FGF2: variants seen among roughly 807,000 people sequenced by gnomAD.
The protein encoded by FGF2 is basic fibroblast growth factor bFGF.
A neutral mutation model predicts 15.9 loss-of-function variants in FGF2; 13 were observed. The ratio of observed to expected loss-of-function variants is 0.82; its 90% CI spans 0.53 to 1.30. The LOEUF (loss-of-function observed/expected upper bound fraction) is 1.30, where lower values mean the gene tolerates loss of function less well. Among genes scored for constraint, FGF2 ranks in the 50% most tolerant of loss-of-function variants. The probability of loss-of-function intolerance (pLI) is 0.00; values close to 1 mark genes in which losing one functional copy is unlikely to be tolerated. For missense variants in FGF2, 163 were observed against 196.9 expected, an observed-to-expected ratio of 0.83 and a Z score of 1.03; for synonymous variants, 90 against 78.4, an observed-to-expected ratio of 1.15 and a Z score of -0.78.
chr4:122,879,079 G>A (rs1726911973), intron 2 of FGF2, among the ~76,000 whole-genome samples: 1 of 152,126 alleles, frequency 6.6e-6, no homozygotes, highest in Non-Finnish European at 1.5e-5. Context: ...TTAAATTGGG[G>A]GAATGTATGC....
At chr4:122,883,513 C>A (rs775897601) in intron 2 of FGF2, among the ~76,000 whole-genome samples, 4 of 152,112 alleles carry the variant, frequency 2.6e-5, no homozygotes, top group Non-Finnish European at 5.9e-5. Flanking sequence ...TTAAATAGTT[C>A]TTTAATGCAC....
chr4:122,839,916 G>A (rs530308116), intron 1 of FGF2, among the ~76,000 whole-genome samples: 1 of 152,286 alleles, frequency 6.6e-6, no homozygotes, highest in African/African-American at 2.4e-5. Context: ...GTTTTGGCAG[G>A]TTTAGTTTCT....
At chr4:122,866,095 C>T (rs947060521) in intron 1 of FGF2, among the ~76,000 whole-genome samples, 1 of 152,120 alleles carries the variant, frequency 6.6e-6, no homozygotes, top group African/African-American at 2.4e-5. Context: ...AGAGGCCGGG[C>T]GCGGTGGCTC....
At chr4:122,842,139 T>C (rs1341127135) in intron 1 of FGF2, among the ~76,000 whole-genome samples, 1 of 152,156 alleles carries the variant, frequency 6.6e-6, no homozygotes, top group African/African-American at 2.4e-5. Context: ...ACAGTTCTGC[T>C]CTCTAGGTTA....
At chr4:122,887,373 C>T (rs1727080083) in intron 2 of FGF2, among the ~76,000 whole-genome samples, 1 of 152,126 alleles carries the variant, frequency 6.6e-6, no homozygotes, top group South Asian at 2.1e-4. Context: ...CTGATATCTC[C>T]AACCTTAATC....
At chr4:122,835,049 G>T (rs1173803627) in intron 1 of FGF2, among the ~76,000 whole-genome samples, 1 of 152,074 alleles carries the variant, frequency 6.6e-6, no homozygotes, top group East Asian at 1.9e-4. Context: ...GGACAACTTT[G>T]ACCCCCTATT....
intron 1 of FGF2, among the ~76,000 whole-genome samples, chr4:122,867,618 T>TA (rs1726628010): frequency 6.6e-6 from 1 of 152,222 alleles, no homozygotes; most frequent in Non-Finnish European, 1.5e-5. Context: ...GTGCTGGAAT[T>TA]ACAGGTGTGA....
intron 1 of FGF2, among the ~76,000 whole-genome samples, chr4:122,860,399 C>G (rs919220833): frequency 6.9e-6 from 1 of 145,286 alleles, no homozygotes; most frequent in African/African-American, 2.5e-5. Context: ...TTTACAAAGA[C>G]TTTACAAAGT....
intron 2 of FGF2, among the ~76,000 whole-genome samples, chr4:122,886,094 T>C (rs959155871): frequency 1.3e-5 from 2 of 151,894 alleles, no homozygotes; most frequent in African/African-American, 4.8e-5. Context: ...AATTTGTTTT[T>C]ATTTTTAGTA....
chr4:122,857,226 G>T (rs1457265948), intron 1 of FGF2, among the ~76,000 whole-genome samples: 1 of 152,014 alleles, frequency 6.6e-6, no homozygotes, highest in African/African-American at 2.4e-5. Context: ...TAGCCTTTCC[G>T]TGATGCTCAG....
At position 122,897,153 on chromosome 4, in the gene FGF2, A is replaced by G. The variant is rs1336856904; in HGVS notation, c.*4757A>G. The stretch of plus-strand genomic sequence containing the variant: ...AAAATAAATAGTAGATACAATTTTC[A>G]TAAAGTGAAGAATTATATAATCACT... On this transcript the variant is annotated 3_prime_UTR_variant, in exon 3 of 3. Transcript: ENST00000644866. 1 of 152,754 alleles carries G rather than the reference A, an allele frequency of 6.5e-6. No individual in the cohort carries two copies. The allele number at this position is 152,754 out of a possible 1,614,324, so 9.5% of individuals were successfully genotyped here.
chr4:122,854,847 T>G (rs1726308539), intron 1 of FGF2, among the ~76,000 whole-genome samples: 1 of 152,174 alleles, frequency 6.6e-6, no homozygotes, highest in Non-Finnish European at 1.5e-5. Context: ...TAAGCCTGCT[T>G]TGAAAGGTGT....
chr4:122,873,688 A>T (rs1397255803), intron 1 of FGF2, among the ~76,000 whole-genome samples: 1 of 152,194 alleles, frequency 6.6e-6, no homozygotes, highest in Non-Finnish European at 1.5e-5. Context: ...GATCATCTGT[A>T]TATTGAATTT....
At chr4:122,872,415 A>T (rs1440098829) in intron 1 of FGF2, among the ~76,000 whole-genome samples, 1 of 152,182 alleles carries the variant, frequency 6.6e-6, no homozygotes, top group East Asian at 1.9e-4. Flanking sequence ...TACCAGAAGA[A>T]GACAGGGAGA....
At chr4:122,839,930 G>A (rs985909647) in intron 1 of FGF2, among the ~76,000 whole-genome samples, 3 of 152,108 alleles carry the variant, frequency 2.0e-5, no homozygotes, top group South Asian at 2.1e-4. Flanking sequence ...AGTTTCTTCC[G>A]AGGCCCCTCT....
chr4:122,833,879 T>C lies in FGF2; in HGVS notation c.178+6527T>C, dbSNP rs1277592431. Among the ~76,000 whole-genome samples the C allele has an allele frequency of 2.6e-5, 4 of 152,236 alleles. No individual in the cohort carries two copies. The East Asian group carries it at 7.7e-4, about 29-fold the overall frequency. ...AATTTTGGAGACTGGCTATTAGTTT[T>C]TCTTAGAATAATCTAGAGAAAGATG... is the stretch of plus-strand genomic sequence containing the variant. On this transcript the variant is annotated intron_variant, in intron 1 of 2. Coordinates refer to ENST00000644866, the MANE Select transcript of FGF2 (RefSeq NM_001361665.2).
chr4:122,857,168 T>C (rs1726358607), intron 1 of FGF2, among the ~76,000 whole-genome samples: 1 of 152,174 alleles, frequency 6.6e-6, no homozygotes, highest in Non-Finnish European at 1.5e-5. Context: ...TGAATTACAA[T>C]ACCTCCACAA....
chr4:122,854,566 G>A (rs971201586), intron 1 of FGF2, among the ~76,000 whole-genome samples: 1 of 152,214 alleles, frequency 6.6e-6, no homozygotes, highest in Non-Finnish European at 1.5e-5. Context: ...ACTCAGCACA[G>A]CTGAAGAAGA....
intron 1 of FGF2, among the ~76,000 whole-genome samples, chr4:122,843,230 G>A (rs1726034915): frequency 6.6e-6 from 1 of 152,208 alleles, no homozygotes. Context: ...TGAACAGAAT[G>A]TTTGGAATCA....
Sources: allele counts gnomAD v4.1 joint callset (sites outside exome capture counted in the v4.1 genomes callset), GRCh38; gene constraint gnomAD v4.1.1; transcripts MANE v1.5; gene names NCBI Gene and HGNC (gene_info 2026-07-23, HGNC 2026-07-21).